The following CSMD3 variants were observed in gnomAD, a reference collection of about 807,000 sequenced individuals.
CSMD3 encodes the protein CUB and Sushi multiple domains 3.
CSMD3 carries 177 observed loss-of-function variants against 435.2 expected under a neutral mutation model. The observed-to-expected ratio is 0.41, with a 90% confidence interval of 0.36 to 0.46. The LOEUF (loss-of-function observed/expected upper bound fraction) is 0.46, where lower values mean the gene tolerates loss of function less well. Among genes scored for constraint, CSMD3 ranks in the 20% least tolerant of loss-of-function variants. The probability of loss-of-function intolerance (pLI) is 0.34; values close to 1 mark genes in which losing one functional copy is unlikely to be tolerated. For synonymous variants in CSMD3, 1,656 were observed against 1,520.5 expected, an observed-to-expected ratio of 1.09 and a Z score of -2.07; for missense variants, 4,265 against 4,504.6, an observed-to-expected ratio of 0.95 and a Z score of 1.52.
chr8:112,517,932 T>C (rs1411968014), intron 27 of CSMD3, among the ~76,000 whole-genome samples: 1 of 151,936 alleles, frequency 6.6e-6, no homozygotes, highest in Non-Finnish European at 1.5e-5. Context: ...CAAAAGAAAA[T>C]AAAACTTATA....
intron 13 of CSMD3, among the ~76,000 whole-genome samples, chr8:112,792,662 G>A (rs1354898533): frequency 6.6e-6 from 1 of 152,110 alleles, no homozygotes; most frequent in African/African-American, 2.4e-5. Context: ...TATTCCAAAA[G>A]TTGTATAGCT....
chr8:113,104,792 A>T (rs1175663181), intron 4 of CSMD3, among the ~76,000 whole-genome samples: 1 of 152,164 alleles, frequency 6.6e-6, no homozygotes, highest in Non-Finnish European at 1.5e-5. Flanking sequence ...ATAACAGATC[A>T]AAGAAAAATA....
intron 13 of CSMD3, among the ~76,000 whole-genome samples, chr8:112,717,302 C>T (rs1327702997): frequency 6.6e-6 from 1 of 151,790 alleles, no homozygotes; most frequent in East Asian, 1.9e-4. Context: ...TTGTGGCCAA[C>T]AAACACACGA....
intron 32 of CSMD3, among the ~76,000 whole-genome samples, chr8:112,420,863 C>A (rs1274465823): frequency 6.6e-6 from 1 of 152,122 alleles, no homozygotes; most frequent in Non-Finnish European, 1.5e-5. Flanking sequence ...CTTTGACACA[C>A]AATTTAGCAT....
chr8:112,761,228 AG>A (rs1237181233), intron 13 of CSMD3, among the ~76,000 whole-genome samples: 1 of 152,144 alleles, frequency 6.6e-6, no homozygotes, highest in Non-Finnish European at 1.5e-5. Flanking sequence ...GCCACTGAAC[AG>A]TAATATCTCT....
intron 4 of CSMD3, among the ~76,000 whole-genome samples, chr8:113,134,821 A>G (rs894999497): frequency 5.3e-5 from 8 of 151,962 alleles, no homozygotes; most frequent in African/African-American, 1.7e-4. Context: ...TGGTAGCTGG[A>G]AAGTCCAAGA....
At chr8:112,225,128 A>G (rs1468521044) in intron 70 of CSMD3, among the ~76,000 whole-genome samples, 198 bp from the exon 71 acceptor site, 1 of 152,202 alleles carries the variant, frequency 6.6e-6, no homozygotes, top group Non-Finnish European at 1.5e-5. Context: ...TACATATATT[A>G]CATATTTATG....
At chr8:113,380,977 C>G (rs186871724) in intron 1 of CSMD3, among the ~76,000 whole-genome samples, 1,553 of 152,236 alleles carry the variant, frequency 0.01, 18 homozygotes, top group Non-Finnish European at 0.012. Flanking sequence ...CACTTCTTCC[C>G]TCAGGCCTTT....
At chr8:112,690,094 C>A (rs372073741) in intron 13 of CSMD3, 44 bp from the exon 14 acceptor site, 1 of 1,391,066 alleles carries the variant, frequency 7.2e-7, no homozygotes, top group Non-Finnish European at 1.0e-6. Flanking sequence ...GGGTTGCAGG[C>A]ATATGATACC....
At chr8:112,321,690 C>T (rs2130877785) in intron 45 of CSMD3, among the ~76,000 whole-genome samples, 1 of 152,230 alleles carries the variant, frequency 6.6e-6, no homozygotes, top group South Asian at 2.1e-4. Flanking sequence ...TTTTAATTTT[C>T]TTCTGCAAAT....
intron 2 of CSMD3, among the ~76,000 whole-genome samples, chr8:113,292,255 T>A (rs1397816396): frequency 6.6e-6 from 1 of 151,698 alleles, no homozygotes; most frequent in African/African-American, 2.4e-5. Context: ...AATTTATAAG[T>A]TATTGAATTT....
intron 11 of CSMD3, among the ~76,000 whole-genome samples, chr8:112,840,302 T>C (rs1359336428): frequency 6.6e-6 from 1 of 151,824 alleles, no homozygotes; most frequent in Non-Finnish European, 1.5e-5. Flanking sequence ...ATTTTAACAA[T>C]ATTAATTCTT....
chr8:113,423,254 A>G (rs898854946), intron 1 of CSMD3, among the ~76,000 whole-genome samples: 1 of 152,072 alleles, frequency 6.6e-6, no homozygotes, highest in Non-Finnish European at 1.5e-5. Context: ...GGGTTGCTCA[A>G]CCTGATATAC....
Position 113,034,503 on chromosome 8 carries a change from T to C in CSMD3, c.918-15324A>G, listed in dbSNP as rs750959956. ...ACAATAAAGGCAACAATAAAGAAAG[T>C]AGATTAGTAATTGTCCAGTGCTCCT... On this transcript the variant is annotated intron_variant, in intron 5 of 70. Transcript: ENST00000297405. Among the ~76,000 whole-genome samples, 30 of 152,104 alleles carry C rather than the reference T, an allele frequency of 2.0e-4. No homozygotes were observed. The East Asian group carries it at 2.3e-3, about 12-fold the overall frequency.
Position 112,342,981 on chromosome 8 carries a change from ATATATT to A in CSMD3, c.6443-1301_6443-1296del, listed in dbSNP as rs1212743371. On this transcript the variant is annotated intron_variant, in intron 41 of 70. Transcript: ENST00000297405. ...ACCTCTTGAAATGTATTATATATAT[ATATATT>A]TATATATATATATTTATATATATAT... 7.4e-3 allele frequency among the ~76,000 whole-genome samples: 369 copies of A among 49,890 alleles called. 2 individuals are homozygous for A. Among genetic ancestry groups the A allele is most frequent in the Middle Eastern group, 0.029 (2 of 70 alleles). 32.7% of individuals were successfully genotyped at this position (49,890 alleles called of 152,430 possible). A position where few individuals can be genotyped will look rare whatever the true frequency, so the allele number is the denominator to read the frequency against.
At chr8:113,095,198 G>T (rs1468668354) in intron 5 of CSMD3, among the ~76,000 whole-genome samples, 3 of 152,014 alleles carry the variant, frequency 2.0e-5, no homozygotes, top group African/African-American at 7.2e-5. Flanking sequence ...ACTGTCACTT[G>T]CAAAATTATT....
chr8:113,033,089 C>T (rs1564234028), intron 5 of CSMD3, among the ~76,000 whole-genome samples: 1 of 151,482 alleles, frequency 6.6e-6, no homozygotes, highest in Non-Finnish European at 1.5e-5. Context: ...ACCTGGATGT[C>T]CAGGCAGAAG....
chr8:113,376,696 C>T lies in CSMD3; in HGVS notation c.178+59981G>A, dbSNP rs111388877. On this transcript the variant is annotated intron_variant, in intron 1 of 70. Coordinates refer to ENST00000297405, the MANE Select transcript of CSMD3 (RefSeq NM_198123.2). The stretch of plus-strand genomic sequence containing the variant: ...GGGAGTTGACACCCGCCACAAGGAC[C>T]GAAAGGTTCGGCGCAAGGAGCCTAA... The T allele has an allele frequency of 2.4e-4, 389 of 1,612,850 alleles. 1 individual carries two copies. The East Asian group carries it at 7.6e-3, about 32-fold the overall frequency.
chr8:113,199,092 A>C (rs987545560), intron 3 of CSMD3, among the ~76,000 whole-genome samples: 2 of 149,486 alleles, frequency 1.3e-5, no homozygotes, highest in Admixed American at 6.7e-5. Context: ...ATATTTAACT[A>C]TATATAATTT....
Sources: gnomAD v4.1 joint callset for allele counts (sites outside exome capture counted in the v4.1 genomes callset) on GRCh38, gnomAD v4.1.1 for gene constraint, MANE v1.5 for transcripts, NCBI Gene and HGNC (gene_info 2026-07-23, HGNC 2026-07-21) for gene names.